Variants in TBC1D1 observed in about 807,000 individuals in gnomAD.
TBC1D1 encodes TBC1 (tre-2/USP6, BUB2, cdc16) domain family, member 1.
A neutral mutation model predicts 125.6 loss-of-function variants in TBC1D1; 89 were observed. The ratio of observed to expected loss-of-function variants is 0.71; its 90% CI spans 0.60 to 0.85. TBC1D1 has a LOEUF of 0.85. Among genes scored for constraint, TBC1D1 ranks in the 40% least tolerant of loss-of-function variants. The pLI is 0.00. For synonymous variants in TBC1D1, 565 were observed against 564.1 expected, an observed-to-expected ratio of 1.00 and a Z score of -0.02; for missense variants, 1,377 against 1,469.2, an observed-to-expected ratio of 0.94 and a Z score of 1.03.
intron 12 of TBC1D1, among the ~76,000 whole-genome samples, chr4:38,071,902 G>A (rs917064599): frequency 6.6e-5 from 10 of 152,174 alleles, no homozygotes; most frequent in African/African-American, 2.4e-4. Flanking sequence ...CATACCCCCA[G>A]GAGCCATGAT....
chr4:37,938,444 A>G (rs1412554497), intron 2 of TBC1D1, among the ~76,000 whole-genome samples: 2 of 152,180 alleles, frequency 1.3e-5, no homozygotes, highest in Non-Finnish European at 2.9e-5. Flanking sequence ...TGCAAACATA[A>G]GACACTTTGA....
rs540841121 is a variant in TBC1D1 at position 37,988,581 on chromosome 4, G to A, written c.418-25928G>A. Among the ~76,000 whole-genome samples, 4 of 152,242 alleles carry A rather than the reference G, an allele frequency of 2.6e-5. No individual in the cohort carries two copies. The South Asian group carries it at 8.3e-4, about 32-fold the overall frequency. On this transcript the variant is annotated intron_variant, in intron 2 of 19. Coordinates refer to ENST00000261439, the MANE Select transcript of TBC1D1 (RefSeq NM_015173.4). ...TGAACCATCATCATCATTGAATTTA[G>A]GGGTGGAGGAAGACTTTTGTAGTTG... is the stretch of plus-strand genomic sequence containing the variant.
rs1458817298 is a variant in TBC1D1 at position 38,014,017 on chromosome 4, C to CAT, written c.418-491_418-490dup. Among the ~76,000 whole-genome samples the CAT allele has an allele frequency of 6.6e-6, 1 of 152,188 alleles. No homozygotes were observed. Among genetic ancestry groups the CAT allele is most frequent in the African/African-American group, 2.4e-5 (1 of 41,444 alleles). On this transcript the variant is annotated intron_variant, in intron 2 of 19. Coordinates refer to ENST00000261439, the MANE Select transcript of TBC1D1 (RefSeq NM_015173.4). This position sits in a 1 kb window ranked among gnomAD's most constrained non-coding sequence, Gnocchi z 5.1. ...AGAGCCTTTGTCTTCTTCATCCCAC[C>CAT]ATTTATTAAAGAAGACTTTCCAAAG...
chr4:37,960,789 C>T lies in TBC1D1; in HGVS notation c.418-53720C>T. 8 of 1,614,136 alleles carry T rather than the reference C, an allele frequency of 5.0e-6. No homozygotes were observed. The highest frequency in any genetic ancestry group is 5.9e-6 in the Non-Finnish European group (7 of 1,180,020). On this transcript the variant is annotated intron_variant, in intron 2 of 19. Transcript: ENST00000261439. ...CTATCCAGAAATAGAAAAATTCTTT[C>T]CCTTCAATCTTCTAGACTTTGAGAG... is the stretch of plus-strand genomic sequence containing the variant.
At chr4:38,027,717 G>A in intron 6 of TBC1D1, 71 bp from the exon 7 acceptor site, 1 of 849,686 alleles carries the variant, frequency 1.2e-6, no homozygotes, top group South Asian at 1.6e-5. Context: ...GATGTGTGTG[G>A]AAGAGGTTAA....
At chr4:38,136,428 G>T (rs2152650053) in intron 19 of TBC1D1, among the ~76,000 whole-genome samples, 1 of 152,300 alleles carries the variant, frequency 6.6e-6, no homozygotes, top group African/African-American at 2.4e-5. Flanking sequence ...CTCCATATGT[G>T]TTCCGGGGTA....
chr4:38,005,449 C>T (rs147398271), intron 2 of TBC1D1, among the ~76,000 whole-genome samples: 130 of 152,270 alleles, frequency 8.5e-4, no homozygotes, highest in Middle Eastern at 3.4e-3. Context: ...AGGCTGTTTG[C>T]AGCTTCAGTA....
chr4:38,088,987 C>G (rs1757997677), intron 12 of TBC1D1, among the ~76,000 whole-genome samples: 1 of 152,154 alleles, frequency 6.6e-6, no homozygotes, highest in Admixed American at 6.5e-5. Flanking sequence ...TCCTATAATG[C>G]ATATAAACCC....
At chr4:38,075,259 C>T (rs537385830) in intron 12 of TBC1D1, among the ~76,000 whole-genome samples, 18 of 152,342 alleles carry the variant, frequency 1.2e-4, no homozygotes, top group African/African-American at 3.1e-4. Context: ...AGTGTACTGA[C>T]TTTCAAGAGA....
In TBC1D1 at chr4:38,095,987, C is replaced by G; in HGVS notation, c.2295C>G (p.Pro765=). The G allele has an allele frequency of 6.2e-7, 1 of 1,614,054 alleles. No individual in the cohort carries two copies. The highest frequency in any genetic ancestry group is 1.1e-5 in the South Asian group (1 of 91,078). The change falls in exon 14 of 20, where the codon CCC becomes CCG. Residue 765 remains proline, a synonymous_variant. Coordinates refer to ENST00000261439, the MANE Select transcript of TBC1D1 (RefSeq NM_015173.4). ...AGCTCGATTATGAAGAAATTACTCC[C>G]TGTCTTAAAGAAGTAACTACAGTGT...
At chr4:38,133,012 T>C in intron 18 of TBC1D1, 72 bp from the exon 21 acceptor site, 5 of 1,419,720 alleles carry the variant, frequency 3.5e-6, no homozygotes, top group Non-Finnish European at 3.9e-6. Context: ...ATTGTCGTGA[T>C]TGCAGACGCC....
intron 13 of TBC1D1, among the ~76,000 whole-genome samples, chr4:38,090,468 A>G (rs966565601): frequency 6.6e-6 from 1 of 152,034 alleles, no homozygotes; most frequent in African/African-American, 2.4e-5. Flanking sequence ...ATCCTCAGCC[A>G]TGGTCTGTGC....
intron 19 of TBC1D1, among the ~76,000 whole-genome samples, chr4:38,136,708 T>C (rs1335625813): frequency 6.6e-6 from 1 of 152,216 alleles, no homozygotes; most frequent in Non-Finnish European, 1.5e-5. Context: ...CAGGCTCTGC[T>C]GCAGTAACAA....
At chr4:37,987,101 ACTTTG>A (rs1212232198) in intron 2 of TBC1D1, among the ~76,000 whole-genome samples, 3 of 152,202 alleles carry the variant, frequency 2.0e-5, no homozygotes, top group Non-Finnish European at 4.4e-5. Flanking sequence ...TGAGAGATTG[ACTTTG>A]CTCAGAAAAA....
At chr4:38,017,750 G>A (rs891307020) in intron 3 of TBC1D1, among the ~76,000 whole-genome samples, 1 of 152,160 alleles carries the variant, frequency 6.6e-6, no homozygotes, top group Non-Finnish European at 1.5e-5. Flanking sequence ...CTCCAGAGAC[G>A]AGGAGTCTAA....
chr4:37,987,021 C>T lies in TBC1D1; in HGVS notation c.418-27488C>T, dbSNP rs58014760. 4.4e-3 allele frequency among the ~76,000 whole-genome samples: 677 copies of T among 152,282 alleles called. 6 individuals carry two copies. Among genetic ancestry groups the T allele is most frequent in the African/African-American group, 0.015 (634 of 41,556 alleles). On this transcript the variant is annotated intron_variant, in intron 2 of 19. Coordinates refer to ENST00000261439, the MANE Select transcript of TBC1D1 (RefSeq NM_015173.4). ...CAGTGACCCACCCATTCACTGAGTGCTCCTGTTTCCCGGAAGGCATCCTCT... is the reference window on the plus strand; with the variant it reads ...CAGTGACCCACCCATTCACTGAGTGTTCCTGTTTCCCGGAAGGCATCCTCT...
At chr4:38,043,110 C>A (rs1748711702) in intron 8 of TBC1D1, among the ~76,000 whole-genome samples, 1 of 151,320 alleles carries the variant, frequency 6.6e-6, no homozygotes. Flanking sequence ...CCGTGTTGGC[C>A]AGGCTGATCT....
chr4:37,946,967 G>A (rs1726823203), intron 2 of TBC1D1, among the ~76,000 whole-genome samples: 1 of 152,128 alleles, frequency 6.6e-6, no homozygotes, highest in East Asian at 1.9e-4. Context: ...GCTGAAAACA[G>A]CCTACATGTC....
At chr4:37,914,318 T>G (rs6839662) in intron 2 of TBC1D1, among the ~76,000 whole-genome samples, 2,676 of 152,336 alleles carry the variant, frequency 0.018, 83 homozygotes, top group African/African-American at 0.061. Context: ...GTAGAACCCT[T>G]GATTCCACTC....
Sources: gnomAD v4.1 joint callset for allele counts (sites outside exome capture counted in the v4.1 genomes callset) on GRCh38, gnomAD v4.1.1 for gene constraint, Gnocchi (gnomAD v3.1) non-coding constraint, MANE v1.5 for transcripts, NCBI Gene and HGNC (gene_info 2026-07-23, HGNC 2026-07-21) for gene names.